Variants in ELFN1 observed in about 807,000 individuals in gnomAD.
The protein encoded by ELFN1 is extracellular leucine rich repeat and fibronectin type III domain containing 1.
ELFN1 carries 6 observed loss-of-function variants against 7.6 expected under a neutral mutation model. The observed-to-expected ratio is 0.79, with a 90% CI of 0.43 to 1.56. The LOEUF is 1.56. ELFN1 is among the 40% of genes most tolerant of loss of function. The pLI, the probability that ELFN1 is intolerant of heterozygous loss-of-function variation, is 0.01. For missense variants in ELFN1, 1,169 were observed against 1,232.2 expected (o/e 0.95, Z 0.77); for synonymous variants, 657 against 588.1 (o/e 1.12, Z -1.70).
intron 3 of ELFN1, among the ~76,000 whole-genome samples, chr7:1,731,313 A>T (rs1333122477): frequency 2.0e-5 from 3 of 152,234 alleles, no homozygotes. Context: ...GTTCATCTGA[A>T]TGAATATTCA....
intron 2 of ELFN1, chr7:1,693,020 G>T (rs1779205647): frequency 3.6e-6 from 1 of 279,144 alleles, no homozygotes; most frequent in African/African-American, 2.2e-5. Flanking sequence ...CAGTTTTGTT[G>T]TCTGTAAAAT....
chr7:1,734,271 C>T (rs536489640), intron 3 of ELFN1, among the ~76,000 whole-genome samples: 1 of 152,218 alleles, frequency 6.6e-6, no homozygotes, highest in South Asian at 2.1e-4. Flanking sequence ...CCTCCTCTCC[C>T]GGGGCCAGCC....
At chr7:1,741,678 C>T (rs980028716) in intron 3 of ELFN1, among the ~76,000 whole-genome samples, 10 of 152,148 alleles carry the variant, frequency 6.6e-5, no homozygotes, top group South Asian at 2.1e-4. Flanking sequence ...TGTCAGCCAC[C>T]GGTGCACACT....
In ELFN1 at chr7:1,746,992, C is replaced by T; in HGVS notation, c.2396C>T (p.Ala799Val). The T allele has an allele frequency of 1.3e-6, 2 of 1,564,752 alleles. No homozygotes were observed. Among genetic ancestry groups the T allele is most frequent in the South Asian group, 1.2e-5 (1 of 84,340 alleles). ...EEEEFMAAGH[A>V]LRKKVQFAKD... is the part of the protein sequence containing the mutation. ...GAGGAGTTCATGGCCGCGGGCCATG[C>T]CCTGCGCAAGAAGGTTCAGTTCGCC... Residue 799 changes from alanine to valine, a missense_variant, in exon 4 of 4, where the codon GCC becomes GTC. Transcript: ENST00000424383.
At chr7:1,678,473 G>A (rs1390656996) in intron 1 of ELFN1, among the ~76,000 whole-genome samples, 2 of 152,208 alleles carry the variant, frequency 1.3e-5, no homozygotes, top group Non-Finnish European at 2.9e-5. Context: ...AGACCAGAAG[G>A]CCGAGGCATG....
chr7:1,746,742 C>G lies in ELFN1; in HGVS notation c.2146C>G (p.Pro716Ala), dbSNP rs1027939382. Residue 716 changes from proline to alanine, a missense_variant, in exon 4 of 4, where the codon CCT (proline) becomes GCT (alanine). Pro to Ala is a conservative substitution (Grantham distance 27, BLOSUM62 -1). This residue lies in a region of ELFN1 where 914 missense variants were observed against 872.6 expected (regional missense o/e 1.05). Transcript: ENST00000424383. ...CCCCGGCTCCCACCCGGCCGAGCCACCTGCGCCCCCCGGGCCACCGCCGCC... is the reference window on the plus strand; with the variant it reads ...CCCCGGCTCCCACCCGGCCGAGCCAGCTGCGCCCCCCGGGCCACCGCCGCC... ...SYPGSHPAEP[P>A]APPGPPPPPP... The G allele has an allele frequency of 2.7e-6, 4 of 1,492,478 alleles. No individual in the cohort carries two copies. The African/African-American group carries it at 5.8e-5, about 22-fold the overall frequency. 92.5% of individuals were successfully genotyped at this position (1,492,478 alleles called of 1,614,324 possible). A position where few individuals can be genotyped will look rare whatever the true frequency, so the allele number is the denominator to read the frequency against.
chr7:1,709,050 C>G (rs540061665), intron 2 of ELFN1, 41 bp from the exon 3 acceptor site: 1 of 152,366 alleles, frequency 6.6e-6, no homozygotes, highest in South Asian at 2.1e-4. Context: ...GGAGGCGATG[C>G]TCCATCTCTC....
intron 1 of ELFN1, among the ~76,000 whole-genome samples, chr7:1,681,694 C>T (rs117207102): frequency 0.011 from 1,654 of 152,304 alleles, 17 homozygotes; most frequent in African/African-American, 0.023. Flanking sequence ...CCAAACTGGC[C>T]GGACCATGTT....
At position 1,744,421 on chromosome 7, in the gene ELFN1, G is replaced by A; in HGVS notation, c.-176G>A. ...AGACGAGAGGCGGCCGGCCGTGAGG[G>A]AGGCGCCCTCCCTCCCCGCGCTTAC... On this transcript the variant is annotated 5_prime_UTR_variant, in exon 4 of 4. Transcript: ENST00000424383. 1 of 685,854 alleles carries A rather than the reference G, an allele frequency of 1.5e-6. No individual in the cohort carries two copies. The highest frequency in any genetic ancestry group is 2.3e-6 in the Non-Finnish European group (1 of 440,780). 42.5% of individuals were successfully genotyped at this position (685,854 alleles called of 1,614,324 possible).
rs1460595957 is a variant in ELFN1, at chr7:1,745,844, C to T, written c.1248C>T (p.Thr416=). The change falls in exon 4 of 4, where the codon ACC becomes ACT. Residue 416 remains threonine (T), a synonymous_variant. Transcript: ENST00000424383. ...CGGTGCCCAGCCCCTCCACGGCCAC[C>T]CACTACATCATGACCATCCTGGGCT... ...PGPVPSPSTA[T]HYIMTILGCL... 6.3e-7 allele frequency: 1 copy of T among 1,585,564 alleles called. No homozygotes were observed. Among genetic ancestry groups the T allele is most frequent in the Non-Finnish European group, 8.6e-7 (1 of 1,167,770 alleles).
Position 1,745,135 on chromosome 7 carries a change from C to T in ELFN1, c.539C>T (p.Ala180Val), listed in dbSNP as rs1027661033. The T allele has an allele frequency of 3.2e-6, 5 of 1,550,718 alleles. No individual in the cohort carries two copies. The East Asian group carries it at 1.2e-4, about 38-fold the overall frequency. Residue 180 changes from alanine (A) to valine (V), a missense_variant, in exon 4 of 4, where the codon GCC (alanine) becomes GTC (valine). Ala to Val is a moderately conservative substitution (Grantham distance 64). Around this residue, in one of 2 missense-constraint regions of ELFN1, gnomAD observed 255 missense variants for 359.6 expected, o/e 0.71. Coordinates refer to ENST00000424383, the MANE Select transcript of ELFN1 (RefSeq NM_001128636.4). ...AACAGCGGCACCTTCGCCGGCCTGGCCAAGCTGTCGGTGTGCGAGCTCTAC... is the reference window on the plus strand; with the variant it reads ...AACAGCGGCACCTTCGCCGGCCTGGTCAAGCTGTCGGTGTGCGAGCTCTAC... ...QLNSGTFAGL[A>V]KLSVCELYSN...
rs1290533657 is a variant in ELFN1, at chr7:1,746,591, C to T, written c.1995C>T (p.Ala665=). Residue 665 remains alanine, a synonymous_variant, in exon 4 of 4, where the codon GCC becomes GCT. Transcript: ENST00000424383. The part of the protein sequence containing the change: ...EAVGVHKAAA[A]EAKYIEKGSP... ...TCGGGGTGCACAAGGCCGCGGCCGCCGAGGCCAAGTACATCGAGAAGGGCT... is the reference window on the plus strand; with the variant it reads ...TCGGGGTGCACAAGGCCGCGGCCGCTGAGGCCAAGTACATCGAGAAGGGCT... 5 of 1,346,212 alleles carry T rather than the reference C, an allele frequency of 3.7e-6. No homozygotes were observed. Among genetic ancestry groups the T allele is most frequent in the South Asian group, 3.5e-5 (2 of 57,890 alleles). 83.4% of individuals were successfully genotyped at this position (1,346,212 alleles called of 1,614,324 possible).
At chr7:1,715,953 C>G (rs1003008118) in intron 3 of ELFN1, among the ~76,000 whole-genome samples, 2 of 152,220 alleles carry the variant, frequency 1.3e-5, no homozygotes, top group African/African-American at 4.8e-5. Flanking sequence ...GGTCTCTGAC[C>G]TGCTGTTTGG....
chr7:1,707,541 G>A (rs546474315), intron 2 of ELFN1, among the ~76,000 whole-genome samples: 2 of 152,366 alleles, frequency 1.3e-5, no homozygotes, highest in South Asian at 4.1e-4. Context: ...AGCAAAGGAA[G>A]CAGGCACGGG....
chr7:1,707,216 T>C (rs962574381), intron 2 of ELFN1, among the ~76,000 whole-genome samples: 2 of 152,252 alleles, frequency 1.3e-5, no homozygotes, highest in Non-Finnish European at 2.9e-5. Flanking sequence ...CCGTGATGTC[T>C]GGCTGTTCCG....
rs1332213618 is a variant in ELFN1 at position 1,673,534 on chromosome 7, T to C, written c.-549+3180T>C. Among the ~76,000 whole-genome samples, 12 of 151,770 alleles carry C rather than the reference T, an allele frequency of 7.9e-5. 1 individual carries two copies. Among genetic ancestry groups the C allele is most frequent in the African/African-American group, 2.9e-4 (12 of 41,330 alleles). ...ATGTCCCTTTCCCAAGGCTGGTGGA[T>C]TGAGACCTGGTTCTGTCCCACCTCT... On this transcript the variant is annotated intron_variant, in intron 1 of 3. Coordinates refer to ENST00000424383, the MANE Select transcript of ELFN1 (RefSeq NM_001128636.4). This position sits in a 1 kb window ranked among gnomAD's most constrained non-coding sequence, Gnocchi z 4.7.
intron 3 of ELFN1, among the ~76,000 whole-genome samples, chr7:1,714,291 C>T (rs1779761380): frequency 6.6e-6 from 1 of 152,132 alleles, no homozygotes; most frequent in African/African-American, 2.4e-5. Context: ...CCAGGCTTAA[C>T]CACCCCAGCC....
chr7:1,698,764 G>C (rs1469642792), intron 2 of ELFN1, among the ~76,000 whole-genome samples: 1 of 151,992 alleles, frequency 6.6e-6, no homozygotes, highest in African/African-American at 2.4e-5. Context: ...TTTGTTTCAG[G>C]GTTGATATCA....
chr7:1,729,645 G>A (rs571617265), intron 3 of ELFN1, among the ~76,000 whole-genome samples: 115 of 152,316 alleles, frequency 7.6e-4, no homozygotes, highest in African/African-American at 2.1e-3. Flanking sequence ...AGATTCAGGC[G>A]TGCTGAGCTA....
Sources: gnomAD v4.1 joint callset for allele counts (sites outside exome capture counted in the v4.1 genomes callset) on GRCh38, gnomAD v4.1.1 for gene constraint, gnomAD v4.1.1 regional missense constraint, Gnocchi (gnomAD v3.1) non-coding constraint, MANE v1.5 for transcripts, NCBI Gene and HGNC (gene_info 2026-07-23, HGNC 2026-07-21) for gene names.